WASHC4: variants seen among roughly 807,000 people sequenced by gnomAD.
The protein encoded by WASHC4 is WASH complex subunit 7.
In WASHC4, 86 loss-of-function variants were observed where a neutral mutation model predicts 166.6. The observed-to-expected ratio is 0.52, with a 90% CI of 0.43 to 0.62. The LOEUF (loss-of-function observed/expected upper bound fraction) is 0.62, where lower values mean the gene tolerates loss of function less well. Ranked by LOEUF, WASHC4 falls within the 20% of genes least tolerant of loss-of-function variation. WASHC4 has a pLI of 0.00. For synonymous variants in WASHC4, 446 were observed against 451.6 expected (o/e 0.99, Z 0.16); for missense variants, 1,262 against 1,382.4 (o/e 0.91, Z 1.38).
intron 24 of WASHC4, chr12:105,148,360 G>GT (rs1164620428): frequency 2.0e-6 from 2 of 984,958 alleles, no homozygotes; most frequent in East Asian, 2.3e-4. Context: ...AAATATTCAT[G>GT]TAACAGATGT....
chr12:105,139,918 C>G (rs1456967486), intron 15 of WASHC4, among the ~76,000 whole-genome samples: 3 of 149,116 alleles, frequency 2.0e-5, no homozygotes, highest in Non-Finnish European at 3.0e-5. Flanking sequence ...GAGTCTTGCT[C>G]AGTTGCCCAG....
At chr12:105,136,985 G>A (rs1882385225) in intron 14 of WASHC4, among the ~76,000 whole-genome samples, 1 of 152,148 alleles carries the variant, frequency 6.6e-6, no homozygotes, top group Middle Eastern at 3.4e-3. Context: ...AAAGTTTGAG[G>A]AACATTGGCA....
At chr12:105,144,973 AT>A in intron 22 of WASHC4, 101 bp downstream of exon 22, 3 of 1,156,060 alleles carry the variant, frequency 2.6e-6, no homozygotes, top group Non-Finnish European at 2.5e-6. Flanking sequence ...GTATGTGCTT[AT>A]TTTTTAAGAA....
At chr12:105,160,948 A>G (rs1217259768) in intron 29 of WASHC4, among the ~76,000 whole-genome samples, 1 of 152,178 alleles carries the variant, frequency 6.6e-6, no homozygotes, top group Non-Finnish European at 1.5e-5. Context: ...TTGCTATCTA[A>G]AAATAGTTCA....
chr12:105,144,249 A>G (rs1883105544), intron 20 of WASHC4, 38 bp from the exon 21 acceptor site: 1 of 1,551,334 alleles, frequency 6.4e-7, no homozygotes, highest in African/African-American at 1.4e-5. Context: ...TTGCAATATC[A>G]TTTTGAAAAA....
intron 30 of WASHC4, among the ~76,000 whole-genome samples, chr12:105,163,123 A>G (rs1192625658): frequency 6.6e-6 from 1 of 151,132 alleles, no homozygotes; most frequent in Non-Finnish European, 1.5e-5. Context: ...CACCTGCCTA[A>G]TTTTTTTTGC....
At chr12:105,142,794 G>A (rs1239677591) in intron 19 of WASHC4, among the ~76,000 whole-genome samples, 1 of 151,844 alleles carries the variant, frequency 6.6e-6, no homozygotes. Context: ...CTTAATTTTA[G>A]TTTATGTCAT....
intron 18 of WASHC4, among the ~76,000 whole-genome samples, 169 bp downstream of exon 18, chr12:105,141,415 A>G (rs1163863540): frequency 6.6e-6 from 1 of 152,216 alleles, no homozygotes; most frequent in African/African-American, 2.4e-5. Flanking sequence ...GATCATATTT[A>G]TTTAGCTTTG....
At chr12:105,112,638 T>C (rs1879805730) in intron 2 of WASHC4, among the ~76,000 whole-genome samples, 1 of 152,218 alleles carries the variant, frequency 6.6e-6, no homozygotes, top group Non-Finnish European at 1.5e-5. Flanking sequence ...GGCTTTGATT[T>C]GCATTTCTGA....
At chr12:105,164,849 T>C (rs1884715130) in intron 32 of WASHC4, 109 bp downstream of exon 32, 1 of 746,038 alleles carries the variant, frequency 1.3e-6, no homozygotes, top group Admixed American at 2.4e-5. Flanking sequence ...TTTTGGAAAA[T>C]AACACAGACC....
intron 14 of WASHC4, among the ~76,000 whole-genome samples, chr12:105,137,175 C>A (rs963391702): frequency 6.0e-5 from 2 of 33,324 alleles, no homozygotes; most frequent in Non-Finnish European, 9.2e-5. Flanking sequence ...AAGCAATATC[C>A]CTTTTTTCCT....
At chr12:105,138,599 AAAGTCCAGTT>A (rs1882524484) in intron 15 of WASHC4, among the ~76,000 whole-genome samples, 1 of 152,186 alleles carries the variant, frequency 6.6e-6, no homozygotes, top group South Asian at 2.1e-4. Flanking sequence ...TGTAGGCAGG[AAAGTCCAGTT>A]AACCTTTTGT....
At chr12:105,166,822 A>G (rs761669071) in intron 32 of WASHC4, 42 bp from the exon 33 acceptor site, 11 of 1,335,280 alleles carry the variant, frequency 8.2e-6, no homozygotes, top group African/African-American at 1.4e-5. Flanking sequence ...TTGTTTAAAA[A>G]TGAACATAAA....
intron 14 of WASHC4, among the ~76,000 whole-genome samples, chr12:105,135,986 C>T (rs1213801070): frequency 1.3e-5 from 2 of 152,092 alleles, no homozygotes; most frequent in African/African-American, 4.8e-5. Flanking sequence ...ATATTTTCTT[C>T]CTCCAGAAGG....
intron 29 of WASHC4, among the ~76,000 whole-genome samples, chr12:105,162,221 T>C (rs937761271): frequency 1.3e-5 from 2 of 152,240 alleles, no homozygotes; most frequent in Non-Finnish European, 1.5e-5. Flanking sequence ...AAGAGCTGAA[T>C]TTTCAAGAGA....
intron 2 of WASHC4, among the ~76,000 whole-genome samples, chr12:105,112,619 G>T (rs546343454): frequency 6.6e-6 from 1 of 152,188 alleles, no homozygotes; most frequent in Admixed American, 6.5e-5. Context: ...GAATGTGAAA[G>T]CTCATTGTGG....
At chr12:105,139,676 T>C (rs1045887773) in intron 15 of WASHC4, among the ~76,000 whole-genome samples, 3 of 151,886 alleles carry the variant, frequency 2.0e-5, no homozygotes, top group African/African-American at 7.2e-5. Flanking sequence ...GTTCATGTCT[T>C]TTCCATTTTT....
At chr12:105,118,938 G>T (rs866965338) in intron 7 of WASHC4, among the ~76,000 whole-genome samples, 4 of 152,152 alleles carry the variant, frequency 2.6e-5, no homozygotes, top group African/African-American at 9.7e-5. Flanking sequence ...GAAATTTTGT[G>T]AGTAGTTCTA....
chr12:105,127,282 C>G lies in WASHC4; in HGVS notation c.1192C>G (p.Leu398Val). Residue 398 changes from leucine (L) to valine (V), a missense_variant, in exon 13 of 33, where the codon CTT becomes GTT. Leu to Val is a conservative substitution (Grantham distance 32). Coordinates refer to ENST00000332180, the MANE Select transcript of WASHC4 (RefSeq NM_015275.3). ...DTFLQQKAQS[L>V]TKDVQSYYVF... ...TTTTCTACAACAGAAAGCTCAATCACTTACCAAGTAGGTTTTATAAACAAG... is the reference window on the plus strand; with the variant it reads ...TTTTCTACAACAGAAAGCTCAATCAGTTACCAAGTAGGTTTTATAAACAAG... 2.5e-6 allele frequency: 4 copies of G among 1,604,404 alleles called. No individual in the cohort carries two copies. Among genetic ancestry groups the G allele is most frequent in the Non-Finnish European group, 3.4e-6 (4 of 1,171,364 alleles).
Sources: gnomAD v4.1 joint callset for allele counts (sites outside exome capture counted in the v4.1 genomes callset) on GRCh38, gnomAD v4.1.1 for gene constraint, MANE v1.5 for transcripts, NCBI Gene and HGNC (gene_info 2026-07-23, HGNC 2026-07-21) for gene names.